Variants in DICER1 observed in about 807,000 individuals in gnomAD.
DICER1 encodes dicer 1, ribonuclease III, also known as endoribonuclease Dicer.
A neutral mutation model predicts 194.1 loss-of-function variants in DICER1; 43 were observed. The observed-to-expected ratio is 0.22, with a 90% CI of 0.17 to 0.29. DICER1 has a LOEUF of 0.29. DICER1 is among the 10% of genes least tolerant of loss of function. DICER1 has a pLI of 1.00. For synonymous variants in DICER1, 832 were observed against 820.5 expected, an observed-to-expected ratio of 1.01 and a Z score of -0.24; for missense variants, 1,608 against 2,317.0, an observed-to-expected ratio of 0.69 and a Z score of 6.28.
chr14:95,123,312 T>C (rs1893105480), intron 8 of DICER1, among the ~76,000 whole-genome samples: 1 of 152,244 alleles, frequency 6.6e-6, no homozygotes, highest in Non-Finnish European at 1.5e-5. Context: ...CTAATAGTCT[T>C]AGAACTTTCC....
Position 95,124,368 on chromosome 14 carries a change from T to G in DICER1, c.1204A>C (p.Asn402His). 6.2e-7 allele frequency: 1 copy of G among 1,614,156 alleles called. No homozygotes were observed. Among genetic ancestry groups the G allele is most frequent in the Non-Finnish European group, 8.5e-7 (1 of 1,180,010 alleles). Reference protein sequence around the residue: ...RQQFESVEWYNNRNQDNYVSW... With the variant: ...RQQFESVEWYHNRNQDNYVSW... Reference sequence around the variant, plus strand: ...ACATAATTATCCTGATTTCTATTATTATACCACTCAACGCTTTCAAACTGC... The same window carrying G: ...ACATAATTATCCTGATTTCTATTATGATACCACTCAACGCTTTCAAACTGC... Residue 402 changes from asparagine (N) to histidine (H), a missense_variant, in exon 8 of 27, where the codon AAT becomes CAT. Physicochemically the swap from Asn to His is moderately conservative, Grantham distance 68. Around this residue, in one of 10 missense-constraint regions of DICER1, gnomAD observed 657 missense variants for 910.1 expected, o/e 0.72. Coordinates refer to ENST00000343455, the MANE Select transcript of DICER1 (RefSeq NM_177438.3). This position sits in a 1 kb window ranked among gnomAD's most constrained non-coding sequence, Gnocchi z 4.5.
intron 6 of DICER1, among the ~76,000 whole-genome samples, chr14:95,128,691 C>T (rs1280143861): frequency 1.3e-5 from 2 of 152,194 alleles, no homozygotes; most frequent in East Asian, 3.9e-4. Flanking sequence ...CTCAAGGTCA[C>T]ACAGCTTACA....
rs1398641973 is a variant in DICER1, at chr14:95,126,814, T to C, written c.735-66A>G. On this transcript the variant is annotated intron_variant, in intron 6 of 26. Transcript: ENST00000343455. The stretch of plus-strand genomic sequence containing the variant: ...GAGAATGCAATTTAAAAAAAGTTTT[T>C]CAAAAAGCAAAAAAAAAAAAAAGGG... 138 of 745,086 alleles carry C rather than the reference T, an allele frequency of 1.9e-4. 3 individuals are homozygous for C. The South Asian group carries it at 2.7e-3, about 15-fold the overall frequency. The allele number at this position is 745,086 out of a possible 1,614,324, so 46.2% of individuals were successfully genotyped here.
chr14:95,143,439 A>G (rs56046134), intron 1 of DICER1, among the ~76,000 whole-genome samples: 4,936 of 152,194 alleles, frequency 0.032, 277 homozygotes, highest in African/African-American at 0.11. Flanking sequence ...CTCTAGTCTT[A>G]TAACTTGGCT....
At chr14:95,106,271 C>A in intron 17 of DICER1, 48 bp from the exon 18 acceptor site, 1 of 1,375,952 alleles carries the variant, frequency 7.3e-7, no homozygotes, top group Non-Finnish European at 1.0e-6. Context: ...TGATTTAAAT[C>A]AACTATTCTC....
At chr14:95,135,100 G>C (rs1477418093) in intron 1 of DICER1, among the ~76,000 whole-genome samples, 1 of 152,122 alleles carries the variant, frequency 6.6e-6, no homozygotes, top group Non-Finnish European at 1.5e-5. Context: ...CTGAGATCAG[G>C]AGGCCACTCT....
At chr14:95,135,750 C>T (rs531923183) in intron 1 of DICER1, among the ~76,000 whole-genome samples, 30 of 152,270 alleles carry the variant, frequency 2.0e-4, no homozygotes, top group African/African-American at 6.3e-4. Context: ...TTCTTTTTAG[C>T]GCTGAATAAT....
chr14:95,120,040 T>C (rs566212543), intron 8 of DICER1, among the ~76,000 whole-genome samples: 5 of 152,304 alleles, frequency 3.3e-5, no homozygotes, highest in Admixed American at 6.5e-5. Flanking sequence ...AACTAATAGA[T>C]GTATTACAAA....
chr14:95,140,172 G>T (rs1465436695), intron 1 of DICER1, among the ~76,000 whole-genome samples: 1 of 152,084 alleles, frequency 6.6e-6, no homozygotes, highest in East Asian at 1.9e-4. Context: ...TAAATTTCTG[G>T]TCAAACAACT....
chr14:95,110,206 G>C (rs1176687269), intron 14 of DICER1, among the ~76,000 whole-genome samples: 1 of 152,132 alleles, frequency 6.6e-6, no homozygotes, highest in Admixed American at 6.5e-5. Flanking sequence ...ATAAATGTGA[G>C]CTATAGATAC....
intron 21 of DICER1, among the ~76,000 whole-genome samples, chr14:95,102,794 A>T (rs144785386): frequency 1.1e-3 from 170 of 152,184 alleles, no homozygotes; most frequent in African/African-American, 3.9e-3. Context: ...ATCGAGCGTT[A>T]ATTACTCAGA....
intron 22 of DICER1, among the ~76,000 whole-genome samples, chr14:95,098,679 ACCAT>A (rs1566759711): frequency 1.8e-4 from 28 of 152,358 alleles, no homozygotes; most frequent in Admixed American, 1.6e-3. Context: ...TCATAGAAAT[ACCAT>A]ACCATTTCTA....
At chr14:95,149,502 TA>T (rs1895371489) in intron 1 of DICER1, among the ~76,000 whole-genome samples, 1 of 152,182 alleles carries the variant, frequency 6.6e-6, no homozygotes, top group African/African-American at 2.4e-5. Flanking sequence ...CCCTCTCATT[TA>T]GCACACATGG....
chr14:95,151,258 A>G (rs565682112), intron 1 of DICER1, among the ~76,000 whole-genome samples: 11 of 152,334 alleles, frequency 7.2e-5, no homozygotes, highest in African/African-American at 2.6e-4. Flanking sequence ...CAGTATAGAT[A>G]ATCCTCCTCG....
intron 1 of DICER1, among the ~76,000 whole-genome samples, chr14:95,138,675 G>A (rs569878492): frequency 5.9e-5 from 9 of 151,898 alleles, no homozygotes; most frequent in Admixed American, 2.0e-4. Flanking sequence ...GTAACCTTAC[G>A]TTCAGATTAT....
At chr14:95,120,174 CTTTAACAGTA>C (rs1464648447) in intron 8 of DICER1, among the ~76,000 whole-genome samples, 2 of 152,148 alleles carry the variant, frequency 1.3e-5, no homozygotes, top group Admixed American at 6.5e-5. Flanking sequence ...TCAACAACTC[CTTTAACAGTA>C]TCCCTTACTC....
In DICER1 at chr14:95,106,202, A is replaced by G. The variant is rs749159825; in HGVS notation, c.2826T>C (p.Pro942=). Residue 942 remains proline, a synonymous_variant, in exon 18 of 27, where the codon CCT becomes CCC. Transcript: ENST00000343455. Reference sequence around the variant, plus strand: ...ACACATCAGCTACATAAAATCGATGAGGCTGATCAAAATTGCGATATCTAA... The same window carrying G: ...ACACATCAGCTACATAAAATCGATGGGGCTGATCAAAATTGCGATATCTAA... ...IIPRYRNFDQ[P]HRFYVADVYT... is the part of the protein sequence containing the mutation. The G allele has an allele frequency of 1.2e-6, 2 of 1,614,076 alleles. No individual in the cohort carries two copies. Among genetic ancestry groups the G allele is most frequent in the Non-Finnish European group, 1.7e-6 (2 of 1,179,908 alleles).
At chr14:95,113,389 G>T (rs1031400484) in intron 11 of DICER1, among the ~76,000 whole-genome samples, 165 bp from the exon 12 acceptor site, 1 of 152,238 alleles carries the variant, frequency 6.6e-6, no homozygotes, top group African/African-American at 2.4e-5. Flanking sequence ...ACAGAATAGT[G>T]TTGTCTAACA....
Position 95,115,801 on chromosome 14 carries a change from G to C in DICER1, c.1773C>G (p.Ser591=). The C allele has an allele frequency of 6.2e-7, 1 of 1,614,002 alleles. No individual in the cohort carries two copies. Among genetic ancestry groups the C allele is most frequent in the Non-Finnish European group, 8.5e-7 (1 of 1,179,974 alleles). ...CAGTCTCACCAGTATCAACCGACTTGGAACACTTGTTTCTCAAGATCTGAA... is the reference window on the plus strand; with the variant it reads ...CAGTCTCACCAGTATCAACCGACTTCGAACACTTGTTTCTCAAGATCTGAA... The part of the protein sequence containing the change: ...AIEKILRNKC[S]KSVDTGETDI... The change falls in exon 11 of 27, where the codon TCC becomes TCG. Residue 591 remains serine, a synonymous_variant. Transcript: ENST00000343455.
Sources: allele counts gnomAD v4.1 joint callset (sites outside exome capture counted in the v4.1 genomes callset), GRCh38; gene constraint gnomAD v4.1.1; regional missense constraint gnomAD v4.1.1; non-coding constraint Gnocchi (gnomAD v3.1); transcripts MANE v1.5; gene names NCBI Gene and HGNC (gene_info 2026-07-23, HGNC 2026-07-21).